GPC3: variants seen among roughly 807,000 people sequenced by gnomAD.
GPC3 encodes glypican 3.
Under a neutral mutation model 34.4 loss-of-function variants are expected in GPC3, and 3 were observed. The ratio of observed to expected loss-of-function variants is 0.09; its 90% CI spans 0.04 to 0.23. The LOEUF (loss-of-function observed/expected upper bound fraction) is 0.23. GPC3 is among the 10% of genes least tolerant of loss of function. GPC3 has a pLI of 1.00. For missense variants in GPC3, 351 were observed against 445.6 expected (o/e 0.79, Z 1.91); for synonymous variants, 177 against 174.0 (o/e 1.02, Z -0.13).
chrX:133,597,275 G>C (rs968168390), intron 6 of GPC3, among the ~76,000 whole-genome samples: 2 of 111,574 alleles, frequency 1.8e-5, no homozygotes, highest in African/African-American at 6.5e-5. Context: ...AATGCATTAC[G>C]AATTTCACGG....
intron 7 of GPC3, among the ~76,000 whole-genome samples, chrX:133,582,948 A>G (rs148776394): frequency 3.1e-4 from 34 of 111,386 alleles, no homozygotes; most frequent in African/African-American, 1.1e-3. Context: ...GCCTGGAGAT[A>G]ATTGGGGAGA....
At chrX:133,633,473 A>G (rs1230310760) in intron 6 of GPC3, among the ~76,000 whole-genome samples, 4 of 112,258 alleles carry the variant, frequency 3.6e-5, no homozygotes, top group Non-Finnish European at 7.5e-5. Flanking sequence ...GATATCCTGA[A>G]GGTGCTGGTC....
At chrX:133,930,633 A>C (rs2076294157) in intron 2 of GPC3, among the ~76,000 whole-genome samples, 4 of 112,146 alleles carry the variant, frequency 3.6e-5, no homozygotes, top group Admixed American at 1.9e-4. Context: ...TTACAAATAC[A>C]ATTTTATTTT....
intron 2 of GPC3, among the ~76,000 whole-genome samples, chrX:133,939,000 TCTC>T (rs1353574374): frequency 1.8e-5 from 2 of 111,597 alleles, no homozygotes; most frequent in Non-Finnish European, 3.8e-5. Flanking sequence ...CTTAAATAAT[TCTC>T]CTTCTTTCTT....
chrX:133,570,042 C>T (rs1207572894), intron 7 of GPC3, among the ~76,000 whole-genome samples: 7 of 109,618 alleles, frequency 6.4e-5, no homozygotes, highest in Admixed American at 9.7e-5. Flanking sequence ...CAGGCACCGA[C>T]CACCATGCCT....
chrX:133,793,930 G>C (rs1478404810), intron 2 of GPC3, among the ~76,000 whole-genome samples: 1 of 111,671 alleles, frequency 9.0e-6, no homozygotes, highest in Non-Finnish European at 1.9e-5. Flanking sequence ...ATCATTTTCA[G>C]TTGGGCCCCC....
At chrX:133,975,622 AT>A (rs1168751919) in intron 1 of GPC3, among the ~76,000 whole-genome samples, 1 of 111,675 alleles carries the variant, frequency 9.0e-6, no homozygotes, top group Non-Finnish European at 1.9e-5. Flanking sequence ...CTGCCTTGGC[AT>A]CTATGTTTTT....
chrX:133,822,957 G>A (rs764397953), intron 2 of GPC3, among the ~76,000 whole-genome samples: 3 of 106,978 alleles, frequency 2.8e-5, no homozygotes, highest in Admixed American at 1.0e-4. Context: ...GGCGAAACCC[G>A]GTCTCTACTA....
intron 6 of GPC3, among the ~76,000 whole-genome samples, chrX:133,645,129 G>A (rs1386390439): frequency 9.0e-6 from 1 of 111,454 alleles, no homozygotes; most frequent in Non-Finnish European, 1.9e-5. Context: ...GAATTAGGCA[G>A]CTTTAGAGTG....
At chrX:133,754,484 T>G (rs1353184778) in intron 2 of GPC3, among the ~76,000 whole-genome samples, 1 of 112,428 alleles carries the variant, frequency 8.9e-6, no homozygotes, top group African/African-American at 3.2e-5. Context: ...CATGAAAATA[T>G]TGATTAAAAA....
At chrX:133,593,354 T>TAAAAAAAAAAAAAAAAAAAAAAA (rs1186766438) in intron 7 of GPC3, among the ~76,000 whole-genome samples, 1 of 47,716 alleles carries the variant, frequency 2.1e-5, no homozygotes, top group Non-Finnish European at 3.9e-5. Context: ...AAAAAAAAAG[T>TAAAAAAAAAAAAAAAAAAAAAAA]AAAAAAAAAA....
chrX:133,782,168 G>C (rs2072053414), intron 2 of GPC3, among the ~76,000 whole-genome samples: 1 of 111,287 alleles, frequency 9.0e-6, no homozygotes, highest in Non-Finnish European at 1.9e-5. Context: ...GTGGGAGACA[G>C]AGTGCTAACC....
intron 5 of GPC3, among the ~76,000 whole-genome samples, chrX:133,678,828 A>G (rs1330000216): frequency 4.5e-5 from 5 of 112,108 alleles, no homozygotes; most frequent in Non-Finnish European, 3.8e-5. Flanking sequence ...ACATTAGCCA[A>G]TTTGAGGAGG....
chrX:133,810,981 T>C (rs1335325825), intron 2 of GPC3, among the ~76,000 whole-genome samples: 1 of 111,440 alleles, frequency 9.0e-6, no homozygotes, highest in Non-Finnish European at 1.9e-5. Context: ...CTAGATGCTT[T>C]CTGAAGCCTC....
At chrX:133,679,980 A>C (rs937140047) in intron 5 of GPC3, among the ~76,000 whole-genome samples, 5 of 111,731 alleles carry the variant, frequency 4.5e-5, no homozygotes, top group African/African-American at 1.3e-4. Context: ...CGAAGGAGCT[A>C]CTAGAAGATT....
At position 133,980,538 on chromosome X, in the gene GPC3, AAAAAAGCTAGAGATCAGAG is replaced by A. The variant is rs1411385271; in HGVS notation, c.175+4718_175+4736del. Among the ~76,000 whole-genome samples, 21 of 112,345 alleles carry A rather than the reference AAAAAAGCTAGAGATCAGAG, an allele frequency of 1.9e-4. No homozygotes were observed. The East Asian group carries it at 5.8e-3, about 31-fold the overall frequency. On this transcript the variant is annotated intron_variant, in intron 1 of 7. Transcript: ENST00000370818. The stretch of plus-strand genomic sequence containing the variant: ...AAACATACAAATAACCATATGCAGA[AAAAAAGCTAGAGATCAGAG>A]TAAAAGGAAGCATTCACAAAAAAAT...
At chrX:133,666,943 T>C (rs950395997) in intron 5 of GPC3, among the ~76,000 whole-genome samples, 8 of 112,468 alleles carry the variant, frequency 7.1e-5, no homozygotes, top group Admixed American at 2.8e-4. Flanking sequence ...CTTATTTTTT[T>C]ATATCCTTCT....
At chrX:133,696,761 T>C (rs930958471) in intron 4 of GPC3, among the ~76,000 whole-genome samples, 4 of 112,506 alleles carry the variant, frequency 3.6e-5, no homozygotes, top group African/African-American at 1.3e-4. Context: ...TTGAAGGGAA[T>C]GTTCTTTGAT....
intron 7 of GPC3, among the ~76,000 whole-genome samples, chrX:133,580,935 T>A (rs1345356086): frequency 8.9e-6 from 1 of 112,145 alleles, no homozygotes; most frequent in African/African-American, 3.2e-5. Context: ...TCTGCCCATA[T>A]GGTCGGTGGT....
Sources: gnomAD v4.1 joint callset for allele counts (sites outside exome capture counted in the v4.1 genomes callset) on GRCh38, gnomAD v4.1.1 for gene constraint, MANE v1.5 for transcripts, NCBI Gene and HGNC (gene_info 2026-07-23, HGNC 2026-07-21) for gene names.